Variants in CCDC7 observed in about 807,000 individuals in gnomAD.
CCDC7 encodes the protein coiled-coil domain-containing protein 7.
In CCDC7, 183 loss-of-function variants were observed where a neutral mutation model predicts 196.9. The observed-to-expected ratio is 0.93, with a 90% CI of 0.82 to 1.05. The LOEUF is 1.05. CCDC7 is among the 50% of genes least tolerant of loss of function. CCDC7 has a pLI of 0.00. For missense variants in CCDC7, 1,540 were observed against 1,482.2 expected, an observed-to-expected ratio of 1.04 and a Z score of -0.64; for synonymous variants, 525 against 484.6, an observed-to-expected ratio of 1.08 and a Z score of -1.10.
intron 2 of CCDC7, among the ~76,000 whole-genome samples, chr10:32,455,471 C>A (rs1051109733): frequency 6.6e-6 from 1 of 151,972 alleles, no homozygotes; most frequent in South Asian, 2.1e-4. Context: ...TGCGGCGCCT[C>A]GCCCAGCTAA....
intron 32 of CCDC7, among the ~76,000 whole-genome samples, chr10:32,834,126 C>CT (rs2092422731): frequency 6.6e-6 from 1 of 152,060 alleles, no homozygotes; most frequent in African/African-American, 2.4e-5. Context: ...AAACTCAGTG[C>CT]TGATAGGAAT....
intron 9 of CCDC7, among the ~76,000 whole-genome samples, chr10:32,498,386 A>T (rs1371672535): frequency 1.3e-5 from 2 of 152,076 alleles, no homozygotes; most frequent in Non-Finnish European, 2.9e-5. Flanking sequence ...TTTACATTTA[A>T]GGTTAATATT....
At chr10:32,722,540 A>G (rs1020667572) in intron 25 of CCDC7, among the ~76,000 whole-genome samples, 1 of 152,036 alleles carries the variant, frequency 6.6e-6, no homozygotes, top group Admixed American at 6.6e-5. Flanking sequence ...GCTATTTTTG[A>G]CATTCCTTGG....
intron 13 of CCDC7, among the ~76,000 whole-genome samples, chr10:32,558,036 G>T (rs1321878054): frequency 6.6e-6 from 1 of 152,058 alleles, no homozygotes; most frequent in African/African-American, 2.4e-5. Context: ...TATTTATTAT[G>T]AGCATATTTT....
intron 11 of CCDC7, among the ~76,000 whole-genome samples, chr10:32,519,845 T>C (rs567391468): frequency 6.6e-6 from 1 of 152,160 alleles, no homozygotes; most frequent in South Asian, 2.1e-4. Flanking sequence ...ACATTTTTTG[T>C]ACCCATTAAC....
chr10:32,482,174 ATTTAT>A (rs2040086058), intron 8 of CCDC7, among the ~76,000 whole-genome samples: 1 of 140,294 alleles, frequency 7.1e-6, no homozygotes, highest in African/African-American at 2.4e-5. Context: ...TGTAGGCTTT[ATTTAT>A]TTTATTTTTC....
intron 18 of CCDC7, among the ~76,000 whole-genome samples, chr10:32,591,467 A>C (rs1283105760): frequency 6.6e-6 from 1 of 151,764 alleles, no homozygotes; most frequent in Non-Finnish European, 1.5e-5. Context: ...AAAATGGCAA[A>C]TTTAAGAGTT....
chr10:32,655,092 C>T (rs532315508), intron 20 of CCDC7, among the ~76,000 whole-genome samples: 24 of 152,232 alleles, frequency 1.6e-4, no homozygotes, highest in Non-Finnish European at 3.2e-4. Context: ...GCAGATACAT[C>T]ATCAAATAGT....
At chr10:32,698,652 GA>G (rs202117262) in intron 24 of CCDC7, among the ~76,000 whole-genome samples, 21,780 of 152,044 alleles carry the variant, frequency 0.14, 1,899 homozygotes, top group African/African-American at 0.25. Flanking sequence ...GAAGTTTAGA[GA>G]AAAAAGAGTA....
chr10:32,633,763 T>G (rs1246345155), intron 18 of CCDC7, among the ~76,000 whole-genome samples: 1 of 150,812 alleles, frequency 6.6e-6, no homozygotes, highest in Non-Finnish European at 1.5e-5. Flanking sequence ...TATATATATA[T>G]GTTTTGGAAT....
chr10:32,493,625 A>G (rs546694922), intron 9 of CCDC7, among the ~76,000 whole-genome samples: 3 of 152,036 alleles, frequency 2.0e-5, no homozygotes, highest in Non-Finnish European at 2.9e-5. Context: ...ACTGTTTTCC[A>G]TAAAGCTGAA....
chr10:32,598,073 C>G (rs1471451301), intron 18 of CCDC7, among the ~76,000 whole-genome samples: 2 of 152,194 alleles, frequency 1.3e-5, no homozygotes, highest in Admixed American at 6.5e-5. Flanking sequence ...TTTCTGCTGC[C>G]TTTTGTTCAG....
chr10:32,858,128 G>A (rs2093826838), intron 41 of CCDC7, among the ~76,000 whole-genome samples: 1 of 152,162 alleles, frequency 6.6e-6, no homozygotes, highest in African/African-American at 2.4e-5. Flanking sequence ...GGTTGAAGAA[G>A]TAATTAAAAG....
intron 21 of CCDC7, among the ~76,000 whole-genome samples, chr10:32,680,581 A>T (rs1469538718): frequency 6.6e-6 from 1 of 151,886 alleles, no homozygotes; most frequent in African/African-American, 2.4e-5. Context: ...CCCTCCCCCG[A>T]CAGGCCCCAC....
At chr10:32,530,269 C>T (rs954799325) in intron 11 of CCDC7, among the ~76,000 whole-genome samples, 1 of 151,950 alleles carries the variant, frequency 6.6e-6, no homozygotes, top group African/African-American at 2.4e-5. Context: ...TTTTTCATTC[C>T]ACATGAATTT....
At chr10:32,675,306 AATTACAGTTACGATTACC>A (rs541052969) in intron 21 of CCDC7, among the ~76,000 whole-genome samples, 50,450 of 151,558 alleles carry the variant, frequency 0.33, 9,081 homozygotes, top group African/African-American at 0.48. Context: ...ATAAAGTTAA[AATTACAGTTACGATTACC>A]ATAAAGTTAA....
intron 16 of CCDC7, among the ~76,000 whole-genome samples, chr10:32,575,190 G>T (rs541391900): frequency 5.2e-4 from 79 of 152,140 alleles, no homozygotes; most frequent in Middle Eastern, 3.4e-3. Context: ...ATGAAGAAAA[G>T]GCATTATCTA....
At chr10:32,574,912 A>G (rs1457566292) in intron 16 of CCDC7, among the ~76,000 whole-genome samples, 1 of 152,122 alleles carries the variant, frequency 6.6e-6, no homozygotes, top group Non-Finnish European at 1.5e-5. Context: ...TTACTCATTC[A>G]TTTATTCACC....
intron 8 of CCDC7, among the ~76,000 whole-genome samples, chr10:32,490,813 G>C (rs58348668): frequency 0.088 from 13,415 of 151,784 alleles, 864 homozygotes; most frequent in East Asian, 0.33. Context: ...AAAAAAAGTT[G>C]GTGTTTTATT....
Sources: allele counts gnomAD v4.1 joint callset (sites outside exome capture counted in the v4.1 genomes callset), GRCh38; gene constraint gnomAD v4.1.1; transcripts MANE v1.5; gene names NCBI Gene and HGNC (gene_info 2026-07-23, HGNC 2026-07-21).